ALG11: variants seen among roughly 807,000 people sequenced by gnomAD.
ALG11 encodes the protein GDP-Man:Man(3)GlcNAc(2)-PP-Dol alpha-1,2-mannosyltransferase.
ALG11 carries 26 observed loss-of-function variants against 38.8 expected under a neutral mutation model. The ratio of observed to expected loss-of-function variants is 0.67; its 90% CI spans 0.49 to 0.93. The LOEUF is 0.93. ALG11 is among the 40% of genes least tolerant of loss of function. The pLI is 0.00. For synonymous variants in ALG11, 199 were observed against 211.6 expected, an observed-to-expected ratio of 0.94 and a Z score of 0.52; for missense variants, 535 against 578.8, an observed-to-expected ratio of 0.92 and a Z score of 0.78.
chr13:52,016,816 G>A (rs1954138045), intron 1 of ALG11: 1 of 152,254 alleles, frequency 6.6e-6, no homozygotes, highest in African/African-American at 2.4e-5. Context: ...TGGGGTTGGA[G>A]CCCCCACACA....
Position 52,030,108 on chromosome 13 carries a change from A to G in ALG11, c.*1518A>G, listed in dbSNP as rs768712384. 1.9e-6 allele frequency: 3 copies of G among 1,614,248 alleles called. No individual in the cohort carries two copies. Among genetic ancestry groups the G allele is most frequent in the Admixed American group, 3.3e-5 (2 of 60,032 alleles). ...TCCCTTAGAAAAAGATCTGAGCTCAACCAGGATGCTGAGCCAGCAAGCAGT... is the reference window on the plus strand; with the variant it reads ...TCCCTTAGAAAAAGATCTGAGCTCAGCCAGGATGCTGAGCCAGCAAGCAGT... On this transcript the variant is annotated 3_prime_UTR_variant, in exon 4 of 4. Coordinates refer to ENST00000521508, the MANE Select transcript of ALG11 (RefSeq NM_001004127.3).
chr13:52,014,645 C>T lies in ALG11; in HGVS notation c.44+2183C>T, dbSNP rs571585812. Among the ~76,000 whole-genome samples, 201 of 152,088 alleles carry T rather than the reference C, an allele frequency of 1.3e-3. 2 individuals are homozygous for T. The highest frequency in any genetic ancestry group is 3.4e-3 in the Middle Eastern group (1 of 292). ...GAACTCCTGGGCTCAAGCAATCCTC[C>T]CACCTCAGCCTCCCAAAATGTTGGG... is the stretch of plus-strand genomic sequence containing the variant. On this transcript the variant is annotated intron_variant, in intron 1 of 3. Transcript: ENST00000521508.
rs1284672069 is a variant in ALG11 at position 52,024,941 on chromosome 13, AG to A, written c.1207+5del. ...TGGAACGAGCATTTTGGGATTGGTG[AG>A]TTTGGCCTTTAAACAACTTGTTTGG... is the stretch of plus-strand genomic sequence containing the variant. On this transcript the variant is annotated splice_donor_5th_base_variant and intron_variant, in intron 3 of 3. Transcript: ENST00000521508. 6.2e-7 allele frequency: 1 copy of A among 1,606,784 alleles called. No individual in the cohort carries two copies. The highest frequency in any genetic ancestry group is 2.2e-5 in the East Asian group (1 of 44,878).
intron 1 of ALG11, among the ~76,000 whole-genome samples, chr13:52,018,388 T>G (rs1330823352): frequency 1.3e-5 from 2 of 152,180 alleles, no homozygotes; most frequent in Non-Finnish European, 2.9e-5. Context: ...AATACAGAAC[T>G]GGAAATAGAA....
At chr13:52,014,390 A>G (rs1044812654) in intron 1 of ALG11, among the ~76,000 whole-genome samples, 3 of 152,196 alleles carry the variant, frequency 2.0e-5, no homozygotes, top group Non-Finnish European at 4.4e-5. Flanking sequence ...TGAATTCATA[A>G]AAAGTTTAAA....
At position 52,033,050 on chromosome 13, in the gene ALG11, T is replaced by G. The variant is rs1954320585; in HGVS notation, c.*4460T>G. 6.0e-6 allele frequency: 1 copy of G among 167,132 alleles called. No individual in the cohort carries two copies. The highest frequency in any genetic ancestry group is 1.5e-5 in the Non-Finnish European group (1 of 68,124). 10.4% of individuals were successfully genotyped at this position (167,132 alleles called of 1,614,324 possible). A position where few individuals can be genotyped will look rare whatever the true frequency, so the allele number is the denominator to read the frequency against. On this transcript the variant is annotated 3_prime_UTR_variant, in exon 4 of 4. Coordinates refer to ENST00000521508, the MANE Select transcript of ALG11 (RefSeq NM_001004127.3). ...TCCGTAAATTATATTTTAAGCTTAT[T>G]TCTTCAAAATTATTTTCATATATCA...
chr13:52,026,456 G>T (rs115631472), intron 3 of ALG11, among the ~76,000 whole-genome samples: 1,856 of 152,326 alleles, frequency 0.012, 39 homozygotes, highest in African/African-American at 0.043. Context: ...TCAGTGAAGA[G>T]CAGGGAGAGC....
chr13:52,019,818 A>G (rs1279618560), intron 2 of ALG11, among the ~76,000 whole-genome samples: 1 of 152,138 alleles, frequency 6.6e-6, no homozygotes, highest in Non-Finnish European at 1.5e-5. Context: ...CAGCTTCTCC[A>G]GAGGCTGAGG....
rs765037358 is a variant in ALG11, at chr13:52,029,137, A to G, written c.*547A>G. The G allele has an allele frequency of 1.2e-6, 2 of 1,614,206 alleles. No homozygotes were observed. Among genetic ancestry groups the G allele is most frequent in the Admixed American group, 3.3e-5 (2 of 60,020 alleles). ...AAAAGCAACTGAATAGAGTCAAATC[A>G]AAGAAGGTGGTGGAGTTACCTCTTA... On this transcript the variant is annotated 3_prime_UTR_variant, in exon 4 of 4. Transcript: ENST00000521508.
At position 52,030,899 on chromosome 13, in the gene ALG11, C is replaced by T. The variant is rs1391058593; in HGVS notation, c.*2309C>T. ...CCATCGGCAATTTGAAAGGACCATC[C>T]AGACCCCTATAGGATCCACATGGAA... is the stretch of plus-strand genomic sequence containing the variant. On this transcript the variant is annotated 3_prime_UTR_variant, in exon 4 of 4. Transcript: ENST00000521508. 6.2e-7 allele frequency: 1 copy of T among 1,614,174 alleles called. No homozygotes were observed. Among genetic ancestry groups the T allele is most frequent in the Admixed American group, 1.7e-5 (1 of 60,026 alleles).
chr13:52,020,603 T>C (rs1338349357), intron 2 of ALG11: 1 of 152,232 alleles, frequency 6.6e-6, no homozygotes, highest in Non-Finnish European at 1.5e-5. Flanking sequence ...TTGATGGCGG[T>C]GGTAAAGTTT....
intron 2 of ALG11, among the ~76,000 whole-genome samples, 178 bp downstream of exon 2, chr13:52,019,321 A>G (rs1299102518): frequency 7.0e-6 from 1 of 142,126 alleles, no homozygotes; most frequent in Non-Finnish European, 1.5e-5. Context: ...TCCCAGGTTC[A>G]TGCCATTCTC....
At position 52,030,768 on chromosome 13, in the gene ALG11, G is replaced by A. The variant is rs750924224; in HGVS notation, c.*2178G>A. 6.2e-7 allele frequency: 1 copy of A among 1,614,184 alleles called. No homozygotes were observed. Among genetic ancestry groups the A allele is most frequent in the Non-Finnish European group, 8.5e-7 (1 of 1,180,032 alleles). On this transcript the variant is annotated 3_prime_UTR_variant, in exon 4 of 4. Transcript: ENST00000521508. Reference sequence around the variant, plus strand: ...CAGTTTCTCATTAAAGCCCCTGAGGGTCCTCCAAGAAAAGATAAGAATTTG... The same window carrying A: ...CAGTTTCTCATTAAAGCCCCTGAGGATCCTCCAAGAAAAGATAAGAATTTG...
rs1187250361 is a variant in ALG11 at position 52,031,036 on chromosome 13, A to T, written c.*2446A>T. On this transcript the variant is annotated 3_prime_UTR_variant, in exon 4 of 4. Coordinates refer to ENST00000521508, the MANE Select transcript of ALG11 (RefSeq NM_001004127.3). ...TGGGCTACCAGTCTTCCTCAAGGTC[A>T]GACCTGCCTGTCATACAGAGGAATC... 3 of 1,614,222 alleles carry T rather than the reference A, an allele frequency of 1.9e-6. No individual in the cohort carries two copies. Among genetic ancestry groups the T allele is most frequent in the Non-Finnish European group, 2.5e-6 (3 of 1,180,034 alleles).
Position 52,030,363 on chromosome 13 carries a change from GTTT to G in ALG11, c.*1775_*1777del. The G allele has an allele frequency of 6.2e-7, 1 of 1,614,200 alleles. No individual in the cohort carries two copies. The highest frequency in any genetic ancestry group is 8.5e-7 in the Non-Finnish European group (1 of 1,180,036). ...CTAGAAGAGCTGGGAAAAGAAGATT[GTTT>G]TCAAAATAAGGAGCTTCCCAGACCT... On this transcript the variant is annotated 3_prime_UTR_variant, in exon 4 of 4. Transcript: ENST00000521508.
chr13:52,024,603 C>A lies in ALG11; in HGVS notation c.873C>A (p.Pro291=). ...PCDVQTFLDI[P]LHEKKMTPGH... is the part of the protein sequence containing the mutation. ...ATGTGCAGACATTTCTGGACATTCC[C>A]TTACATGAGAAAAAGATGACCCCAG... Residue 291 remains proline, a synonymous_variant, in exon 3 of 4, where the codon CCC becomes CCA. Transcript: ENST00000521508. The A allele has an allele frequency of 6.2e-7, 1 of 1,613,878 alleles. No homozygotes were observed. The highest frequency in any genetic ancestry group is 1.1e-5 in the South Asian group (1 of 91,032).
At chr13:52,022,981 C>CA (rs1327131921) in intron 2 of ALG11, 12 of 152,150 alleles carry the variant, frequency 7.9e-5, no homozygotes, top group African/African-American at 2.9e-4. Flanking sequence ...TTTTATGACT[C>CA]AAAGAATAAT....
chr13:52,021,353 A>G (rs919493137), intron 2 of ALG11: 1 of 152,262 alleles, frequency 6.6e-6, no homozygotes. Context: ...ACTAGAGCCC[A>G]TGTTCTGAAC....
intron 2 of ALG11, chr13:52,023,035 A>G (rs1039699268): frequency 2.6e-5 from 4 of 152,388 alleles, no homozygotes; most frequent in East Asian, 1.9e-4. Flanking sequence ...ATTAAAGAAT[A>G]TACTTTTAGA....
Sources: allele counts gnomAD v4.1 joint callset (sites outside exome capture counted in the v4.1 genomes callset), GRCh38; gene constraint gnomAD v4.1.1; transcripts MANE v1.5; gene names NCBI Gene and HGNC (gene_info 2026-07-23, HGNC 2026-07-21).